The following MON2 variants were observed in gnomAD, a reference collection of about 807,000 sequenced individuals.
MON2 encodes protein MON2 homolog.
In MON2, 84 loss-of-function variants were observed where a neutral mutation model predicts 208.6. That is an observed-to-expected ratio of 0.40 (90% CI 0.34 to 0.48). MON2 has a LOEUF of 0.48. Ranked by LOEUF, MON2 falls within the 20% of genes least tolerant of loss-of-function variation. MON2 has a pLI of 0.59. For synonymous variants in MON2, 660 were observed against 694.0 expected, an observed-to-expected ratio of 0.95 and a Z score of 0.77; for missense variants, 1,611 against 2,015.4, an observed-to-expected ratio of 0.80 and a Z score of 3.84.
At chr12:62,533,043 G>T (rs2072731467) in intron 12 of MON2, among the ~76,000 whole-genome samples, 1 of 152,092 alleles carries the variant, frequency 6.6e-6, no homozygotes, top group Admixed American at 6.6e-5. Context: ...TTTATGTGTT[G>T]AATTTAGTTG....
intron 29 of MON2, among the ~76,000 whole-genome samples, chr12:62,567,007 C>T (rs1299543812): frequency 6.6e-6 from 1 of 152,178 alleles, no homozygotes; most frequent in African/African-American, 2.4e-5. Context: ...CAATGCAGCC[C>T]ATACACTTAA....
At chr12:62,478,731 G>A (rs2069229754) in intron 1 of MON2, among the ~76,000 whole-genome samples, 1 of 152,170 alleles carries the variant, frequency 6.6e-6, no homozygotes, top group African/African-American at 2.4e-5. Context: ...ACTAAATTTT[G>A]AGAAACACTG....
rs1340477226 is a variant in MON2 at position 62,598,284 on chromosome 12, TTGC to T, written c.*5539_*5541del. 6 of 152,322 alleles carry T rather than the reference TTGC, an allele frequency of 3.9e-5. No homozygotes were observed. The highest frequency in any genetic ancestry group is 3.3e-4 in the Admixed American group (5 of 15,306). The allele number at this position is 152,322 out of a possible 1,614,324, so 9.4% of individuals were successfully genotyped here. On this transcript the variant is annotated 3_prime_UTR_variant, in exon 35 of 35. Coordinates refer to ENST00000393630, the MANE Select transcript of MON2 (RefSeq NM_015026.3). Reference sequence around the variant, plus strand: ...AATTAAATTTTCAGACCATTTTCAGTTGCTGCGAATGTAGTTACACTAAGTTTT... The same window carrying T: ...AATTAAATTTTCAGACCATTTTCAGTTGCGAATGTAGTTACACTAAGTTTT...
At chr12:62,530,200 C>T (rs2072556828) in intron 11 of MON2, among the ~76,000 whole-genome samples, 1 of 151,702 alleles carries the variant, frequency 6.6e-6, no homozygotes, top group African/African-American at 2.4e-5. Flanking sequence ...TAATGAGATC[C>T]ACTTTTTTAG....
At chr12:62,510,472 C>T (rs11174520) in intron 8 of MON2, among the ~76,000 whole-genome samples, 57,259 of 151,888 alleles carry the variant, frequency 0.38, 11,039 homozygotes, top group African/African-American at 0.43. Flanking sequence ...AATGTAAGGA[C>T]GTTTCAACAT....
At chr12:62,495,514 C>T (rs1274241780) in intron 4 of MON2, among the ~76,000 whole-genome samples, 1 of 151,872 alleles carries the variant, frequency 6.6e-6, no homozygotes, top group East Asian at 1.9e-4. Flanking sequence ...TATGGTGAAA[C>T]CCCGTCTCTA....
intron 20 of MON2, chr12:62,544,662 C>G (rs2073404741): frequency 1.3e-5 from 12 of 941,560 alleles, no homozygotes; most frequent in Non-Finnish European, 1.7e-5. Context: ...TTTGTTTACC[C>G]TGATATATAA....
chr12:62,490,525 G>A (rs865910551), intron 2 of MON2, among the ~76,000 whole-genome samples: 1 of 151,974 alleles, frequency 6.6e-6, no homozygotes, highest in South Asian at 2.1e-4. Flanking sequence ...TCTCTCAGTT[G>A]GAAGAGCAAG....
intron 8 of MON2, among the ~76,000 whole-genome samples, chr12:62,514,766 A>G (rs969403503): frequency 1.3e-5 from 2 of 152,248 alleles, no homozygotes; most frequent in Admixed American, 6.5e-5. Context: ...CAAAATATAT[A>G]AAGAACTCCT....
chr12:62,469,355 T>C (rs1045373061), intron 1 of MON2, among the ~76,000 whole-genome samples: 2 of 152,108 alleles, frequency 1.3e-5, no homozygotes, highest in African/African-American at 4.8e-5. Context: ...CAAAACAAAC[T>C]AACAAAAAAG....
intron 1 of MON2, among the ~76,000 whole-genome samples, chr12:62,479,130 A>G (rs756719860): frequency 1.3e-5 from 2 of 152,174 alleles, no homozygotes; most frequent in Admixed American, 1.3e-4. Flanking sequence ...TTTCTGTAGT[A>G]TAGGAGACAG....
At chr12:62,498,062 T>TA (rs1220898557) in intron 4 of MON2, among the ~76,000 whole-genome samples, 1 of 147,810 alleles carries the variant, frequency 6.8e-6, no homozygotes, top group African/African-American at 2.5e-5. Context: ...TTTTTTTTTT[T>TA]AACAATAGTC....
At chr12:62,487,171 T>C (rs1592842831) in intron 2 of MON2, among the ~76,000 whole-genome samples, 1 of 152,220 alleles carries the variant, frequency 6.6e-6, no homozygotes, top group East Asian at 1.9e-4. Flanking sequence ...AAAATTTCCA[T>C]TTTCTTTAAA....
chr12:62,493,927 A>G lies in MON2; in HGVS notation c.188A>G (p.Asn63Ser). The G allele has an allele frequency of 6.3e-7, 1 of 1,590,672 alleles. No homozygotes were observed. Among genetic ancestry groups the G allele is most frequent in the Non-Finnish European group, 8.6e-7 (1 of 1,166,350 alleles). Residue 63 changes from asparagine (N) to serine (S), a missense_variant, in exon 3 of 35, where the codon AAC becomes AGC. Coordinates refer to ENST00000393630, the MANE Select transcript of MON2 (RefSeq NM_015026.3). ...NTEILAALKENSSEVVQPFLM... is the reference protein window; with the variant it reads ...NTEILAALKESSSEVVQPFLM... Reference sequence around the variant, plus strand: ...GTTCTAAATGAAGCACTGAAAGAGAACAGCTCAGAGGTTGTACAGCCTTTT... The same window carrying G: ...GTTCTAAATGAAGCACTGAAAGAGAGCAGCTCAGAGGTTGTACAGCCTTTT...
chr12:62,504,001 T>G (rs995740995), intron 7 of MON2, among the ~76,000 whole-genome samples: 1 of 151,416 alleles, frequency 6.6e-6, no homozygotes, highest in African/African-American at 2.4e-5. Flanking sequence ...TATTACATAT[T>G]GTGTATTATT....
At chr12:62,567,553 T>C (rs920520641) in intron 29 of MON2, among the ~76,000 whole-genome samples, 1 of 152,200 alleles carries the variant, frequency 6.6e-6, no homozygotes, top group Non-Finnish European at 1.5e-5. Context: ...TTATCTTCCC[T>C]ATAGCATGGT....
chr12:62,489,946 T>A (rs2070023213), intron 2 of MON2: 2 of 668,268 alleles, frequency 3.0e-6, no homozygotes, highest in South Asian at 3.8e-5. Context: ...TATTTTTTAA[T>A]GGCTGTTAAA....
intron 29 of MON2, among the ~76,000 whole-genome samples, chr12:62,569,143 AAAAAT>A (rs1215317283): frequency 6.6e-6 from 1 of 152,224 alleles, no homozygotes; most frequent in Non-Finnish European, 1.5e-5. Context: ...AAACATTTTT[AAAAAT>A]AAAATATATA....
intron 20 of MON2, 95 bp from the exon 21 acceptor site, chr12:62,544,803 T>C: frequency 6.5e-7 from 1 of 1,548,932 alleles, no homozygotes; most frequent in Non-Finnish European, 8.7e-7. Flanking sequence ...TAATTTTTCT[T>C]CCAACCCTTA....
Sources: gnomAD v4.1 joint callset for allele counts (sites outside exome capture counted in the v4.1 genomes callset) on GRCh38, gnomAD v4.1.1 for gene constraint, MANE v1.5 for transcripts, NCBI Gene and HGNC (gene_info 2026-07-23, HGNC 2026-07-21) for gene names.